Variants in EPCIP observed in about 807,000 individuals in gnomAD.
EPCIP encodes exosomal polycystin 1 interacting protein.
the EPCIP span, among the ~76,000 whole-genome samples, chr21:32,806,556 C>T: frequency 3.3e-5 from 5 of 152,320 alleles, no homozygotes; most frequent in African/African-American, 9.6e-5. Context: ...ACAAGCTATT[C>T]GTGTTCACTT....
At chr21:32,793,840 G>C in the EPCIP span, 1 of 1,614,162 alleles carries the variant, frequency 6.2e-7, no homozygotes, top group Non-Finnish European at 8.5e-7. Flanking sequence ...CAGGAAAGTT[G>C]TTGGCAATGC....
chr21:32,809,282 T>TTCTTTCTTTCTTTCTTTCTTTC, the EPCIP span, among the ~76,000 whole-genome samples: 1 of 87,738 alleles, frequency 1.1e-5, no homozygotes. Context: ...CCTCCTTCCT[T>TTCTTTCTTTCTTTCTTTCTTTC]TCTTTCTTTC....
At chr21:32,793,686 G>A in the EPCIP span, 154 of 1,358,396 alleles carry the variant, frequency 1.1e-4, no homozygotes, top group African/African-American at 1.2e-3. Flanking sequence ...CCTATCTCAC[G>A]GCCTTATTTC....
At chr21:32,809,544 T>A in the EPCIP span, among the ~76,000 whole-genome samples, 2 of 151,760 alleles carry the variant, frequency 1.3e-5, no homozygotes, top group Non-Finnish European at 2.9e-5. Flanking sequence ...ATGTTTAAAA[T>A]TTTTTGTAGA....
the EPCIP span, among the ~76,000 whole-genome samples, chr21:32,810,356 C>T: frequency 3.3e-5 from 5 of 149,444 alleles, no homozygotes; most frequent in East Asian, 5.9e-4. Context: ...CCCGGGTTCA[C>T]GCCATTCTCC....
chr21:32,792,132 G>A, the EPCIP span, among the ~76,000 whole-genome samples: 11 of 152,058 alleles, frequency 7.2e-5, no homozygotes, highest in South Asian at 2.1e-4. Context: ...TCGAACTCCC[G>A]ACCTCAGGTG....
At chr21:32,802,845 G>A in the EPCIP span, among the ~76,000 whole-genome samples, 11 of 152,212 alleles carry the variant, frequency 7.2e-5, no homozygotes, top group Non-Finnish European at 1.2e-4. Flanking sequence ...GCAGTGGCGC[G>A]ATCTCGGCTC....
chr21:32,792,606 G>A, the EPCIP span, among the ~76,000 whole-genome samples: 1 of 152,164 alleles, frequency 6.6e-6, no homozygotes, highest in Non-Finnish European at 1.5e-5. Context: ...GACAGACCAT[G>A]CAAAGAAAGA....
At chr21:32,796,937 A>G in the EPCIP span, 1 of 470,020 alleles carries the variant, frequency 2.1e-6, no homozygotes, top group South Asian at 1.6e-5. Flanking sequence ...TCCCTGTTTC[A>G]GGTGCTGATC....
chr21:32,809,365 T>C, the EPCIP span, among the ~76,000 whole-genome samples: 1 of 148,258 alleles, frequency 6.7e-6, no homozygotes, highest in Non-Finnish European at 1.5e-5. Context: ...CTTTTTCCTC[T>C]CTTCCTTTCT....
chr21:32,806,048 A>G, the EPCIP span, among the ~76,000 whole-genome samples: 1 of 152,134 alleles, frequency 6.6e-6, no homozygotes, highest in Non-Finnish European at 1.5e-5. Context: ...GGGATGGGAC[A>G]GTGGCATTTG....
At chr21:32,797,399 C>G in the EPCIP span, 1 of 174,732 alleles carries the variant, frequency 5.7e-6, no homozygotes, top group South Asian at 1.2e-4. Context: ...TAAGCACGCA[C>G]CATCATACCC....
the EPCIP span, among the ~76,000 whole-genome samples, chr21:32,795,018 G>A: frequency 2.0e-5 from 3 of 152,166 alleles, no homozygotes; most frequent in Non-Finnish European, 4.4e-5. Flanking sequence ...TACCAATGAA[G>A]CATTTAGTTA....
At chr21:32,800,616 G>C in the EPCIP span, among the ~76,000 whole-genome samples, 1 of 152,188 alleles carries the variant, frequency 6.6e-6, no homozygotes, top group African/African-American at 2.4e-5. Flanking sequence ...AGGAGTTCGA[G>C]ACCAGCCTGA....
the EPCIP span, among the ~76,000 whole-genome samples, chr21:32,803,241 A>G: frequency 6.6e-6 from 1 of 152,186 alleles, no homozygotes; most frequent in Non-Finnish European, 1.5e-5. Context: ...TTAGGCCTTA[A>G]TCGGAATTTA....
the EPCIP span, chr21:32,791,054 A>G: frequency 6.6e-6 from 1 of 152,232 alleles, no homozygotes; most frequent in Admixed American, 6.6e-5. Flanking sequence ...ATGCACCCTT[A>G]CTTAACCACC....
At chr21:32,794,002 T>C in the EPCIP span, 4 of 1,614,044 alleles carry the variant, frequency 2.5e-6, no homozygotes, top group Non-Finnish European at 3.4e-6. Context: ...TATGGATGAG[T>C]AAGCTCTGCT....
At chr21:32,798,203 T>A in the EPCIP span, 1 of 152,182 alleles carries the variant, frequency 6.6e-6, no homozygotes, top group African/African-American at 2.4e-5. Context: ...CATGATGGTG[T>A]GCACCTATAG....
the EPCIP span, among the ~76,000 whole-genome samples, chr21:32,795,606 G>A: frequency 6.6e-6 from 1 of 152,202 alleles, no homozygotes; most frequent in Admixed American, 6.5e-5. Flanking sequence ...CTACTGGCAG[G>A]GCCACTACAC....
Sources: gnomAD v4.1 joint callset for allele counts (sites outside exome capture counted in the v4.1 genomes callset) on GRCh38, gnomAD v4.1.1 for gene constraint, MANE v1.5 for transcripts, NCBI Gene and HGNC (gene_info 2026-07-23, HGNC 2026-07-21) for gene names.